Variants in KLHL3 observed in about 807,000 individuals in gnomAD.
KLHL3 encodes the protein kelch like family member 3.
In KLHL3, 19 loss-of-function variants were observed where a neutral mutation model predicts 70.5. That is an observed-to-expected ratio of 0.27 (90% CI 0.19 to 0.40). The LOEUF (loss-of-function observed/expected upper bound fraction) is 0.40, where lower values mean the gene tolerates loss of function less well. KLHL3 is among the 10% of genes least tolerant of loss of function. KLHL3 has a pLI of 1.00. For missense variants in KLHL3, 512 were observed against 771.1 expected (o/e 0.66, Z 3.98); for synonymous variants, 258 against 290.3 (o/e 0.89, Z 1.13).
chr5:137,669,729 C>G (rs1317650748), intron 6 of KLHL3, among the ~76,000 whole-genome samples: 1 of 152,154 alleles, frequency 6.6e-6, no homozygotes, highest in African/African-American at 2.4e-5. Context: ...CTGAGCTGCT[C>G]TGGAAGGAAT....
intron 5 of KLHL3, among the ~76,000 whole-genome samples, chr5:137,691,922 C>A (rs574755939): frequency 6.6e-6 from 1 of 152,014 alleles, no homozygotes; most frequent in Non-Finnish European, 1.5e-5. Context: ...CCAGCCAGTA[C>A]GTGACTTTTA....
rs946907371 is a variant in KLHL3, at chr5:137,685,047, T to C, written c.526+7238A>G. Among the ~76,000 whole-genome samples the C allele has an allele frequency of 3.3e-5, 5 of 152,170 alleles. No individual in the cohort carries two copies. In the East Asian group the frequency reaches 9.6e-4, roughly 29 times the overall value. On this transcript the variant is annotated intron_variant, in intron 5 of 14. Transcript: ENST00000309755. ...AGATGATGCTTCAGCCCCCACAAAGTTGTGCTCTCGCTGGAAAAGCCGAGG... is the reference window on the plus strand; with the variant it reads ...AGATGATGCTTCAGCCCCCACAAAGCTGTGCTCTCGCTGGAAAAGCCGAGG...
intron 5 of KLHL3, among the ~76,000 whole-genome samples, chr5:137,678,828 G>T (rs1751951703): frequency 6.8e-6 from 1 of 146,440 alleles, no homozygotes; most frequent in African/African-American, 2.5e-5. Flanking sequence ...TGGACAAAAA[G>T]GGCTCCCCAC....
intron 3 of KLHL3, among the ~76,000 whole-genome samples, chr5:137,703,201 A>G (rs1305949342): frequency 1.3e-5 from 2 of 152,232 alleles, no homozygotes; most frequent in African/African-American, 4.8e-5. Flanking sequence ...AAGAGTCCTT[A>G]TGTCACAGAA....
intron 14 of KLHL3, 32 bp from the exon 15 acceptor site, chr5:137,622,158 T>G: frequency 6.2e-7 from 1 of 1,613,414 alleles, no homozygotes; most frequent in Non-Finnish European, 8.5e-7. Context: ...GTTATCATCT[T>G]AGCTTCTCCA....
chr5:137,700,710 T>C (rs576024101), intron 3 of KLHL3, among the ~76,000 whole-genome samples: 6 of 152,286 alleles, frequency 3.9e-5, no homozygotes, highest in East Asian at 1.9e-4. Context: ...TAATTTTCTA[T>C]ATTAAGTACT....
intron 8 of KLHL3, among the ~76,000 whole-genome samples, chr5:137,655,993 GAAAAAA>G (rs11442441): frequency 9.3e-6 from 1 of 107,936 alleles, no homozygotes. Context: ...TCTGCCTCAA[GAAAAAA>G]AAAAAAAAAA....
chr5:137,692,551 TC>T, intron 4 of KLHL3, 104 bp from the exon 5 acceptor site: 1 of 1,095,410 alleles, frequency 9.1e-7, no homozygotes, highest in Non-Finnish European at 1.3e-6. Flanking sequence ...TTCATGGCTC[TC>T]CACTGCCCGC....
At chr5:137,645,478 A>G (rs939333944) in intron 8 of KLHL3, among the ~76,000 whole-genome samples, 14 of 152,174 alleles carry the variant, frequency 9.2e-5, no homozygotes, top group African/African-American at 3.1e-4. Context: ...CAAAATCAAC[A>G]TACAAAACTT....
At chr5:137,708,382 CT>C (rs1189230209) in intron 3 of KLHL3, among the ~76,000 whole-genome samples, 1 of 152,218 alleles carries the variant, frequency 6.6e-6, no homozygotes. Flanking sequence ...GCACTCACCC[CT>C]CCTTAGCAAG....
At chr5:137,653,033 G>A (rs1751244440) in intron 8 of KLHL3, 1 of 151,552 alleles carries the variant, frequency 6.6e-6, no homozygotes, top group Non-Finnish European at 1.5e-5. Flanking sequence ...ACGAGGTCAG[G>A]AGATTGAGAC....
In KLHL3 at chr5:137,625,820, G is replaced by A. The variant is rs760126268; in HGVS notation, c.1668C>T (p.Tyr556=). ...DGSCNLASVE[Y]YNPVTDKWTL... is the part of the protein sequence containing the mutation. ...TCCATTTGTCAGTGACAGGATTGTA[G>A]TACTCCACCGAAGCCAAGTTGCAGG... is the stretch of plus-strand genomic sequence containing the variant. Residue 556 remains tyrosine (Y), a synonymous_variant, in exon 14 of 15, where the codon TAC becomes TAT. Coordinates refer to ENST00000309755, the MANE Select transcript of KLHL3 (RefSeq NM_017415.3). The A allele has an allele frequency of 1.2e-6, 2 of 1,614,152 alleles. No homozygotes were observed. Among genetic ancestry groups the A allele is most frequent in the South Asian group, 2.2e-5 (2 of 91,082 alleles).
At chr5:137,686,337 G>A (rs1028810523) in intron 5 of KLHL3, among the ~76,000 whole-genome samples, 2 of 152,182 alleles carry the variant, frequency 1.3e-5, no homozygotes, top group East Asian at 1.9e-4. Context: ...ACAGCACAGC[G>A]CCTGTGGTGT....
intron 5 of KLHL3, among the ~76,000 whole-genome samples, chr5:137,681,756 G>T (rs1345266856): frequency 6.6e-6 from 1 of 151,990 alleles, no homozygotes. Flanking sequence ...CTTTAAGAGG[G>T]GTGGACACAG....
At chr5:137,642,918 C>T (rs1338564954) in intron 8 of KLHL3, among the ~76,000 whole-genome samples, 1 of 150,890 alleles carries the variant, frequency 6.6e-6, no homozygotes, top group Admixed American at 6.6e-5. Flanking sequence ...GCCCCAGAAA[C>T]TATCTCCCAC....
chr5:137,715,895 C>G lies in KLHL3; in HGVS notation c.134+4570G>C, dbSNP rs146416293. On this transcript the variant is annotated intron_variant, in intron 2 of 14. Coordinates refer to ENST00000309755, the MANE Select transcript of KLHL3 (RefSeq NM_017415.3). Reference sequence around the variant, plus strand: ...TTAACAAGCCAGCAAGACTGGTACTCTTATTAGCCTCATTTTATGGTTGAC... The same window carrying G: ...TTAACAAGCCAGCAAGACTGGTACTGTTATTAGCCTCATTTTATGGTTGAC... Among the ~76,000 whole-genome samples, 1,262 of 152,300 alleles carry G rather than the reference C, an allele frequency of 8.3e-3. 21 individuals are homozygous for G. Among genetic ancestry groups the G allele is most frequent in the African/African-American group, 0.029 (1,191 of 41,554 alleles).
chr5:137,642,143 G>C (rs1020878115), intron 8 of KLHL3, among the ~76,000 whole-genome samples: 1 of 152,134 alleles, frequency 6.6e-6, no homozygotes, highest in Admixed American at 6.5e-5. Flanking sequence ...TTGTCTTTCC[G>C]GTTTTGAGTT....
chr5:137,711,883 TC>T (rs1752798082), intron 2 of KLHL3, among the ~76,000 whole-genome samples: 1 of 151,982 alleles, frequency 6.6e-6, no homozygotes, highest in Non-Finnish European at 1.5e-5. Flanking sequence ...AATTGAGTTA[TC>T]ACTGCTATTT....
chr5:137,640,045 TC>T, intron 8 of KLHL3, 68 bp from the exon 9 acceptor site: 1 of 1,290,180 alleles, frequency 7.8e-7, no homozygotes, highest in Non-Finnish European at 1.1e-6. Flanking sequence ...CCCTGGTACT[TC>T]CACATGGCTT....
Sources: gnomAD v4.1 joint callset for allele counts (sites outside exome capture counted in the v4.1 genomes callset) on GRCh38, gnomAD v4.1.1 for gene constraint, MANE v1.5 for transcripts, NCBI Gene and HGNC (gene_info 2026-07-23, HGNC 2026-07-21) for gene names.